AP1M2: variants seen among roughly 807,000 people sequenced by gnomAD.
AP1M2 encodes adaptor related protein complex 1 subunit mu 2.
In AP1M2, 41 loss-of-function variants were observed where a neutral mutation model predicts 54.6. That is an observed-to-expected ratio of 0.75 (90% confidence interval 0.59 to 0.97). The LOEUF is 0.97. Among genes scored for constraint, AP1M2 ranks in the 50% least tolerant of loss-of-function variants. The pLI is 0.00. For synonymous variants in AP1M2, 219 were observed against 215.9 expected, an observed-to-expected ratio of 1.01 and a Z score of -0.13; for missense variants, 507 against 561.2, an observed-to-expected ratio of 0.90 and a Z score of 0.98.
rs756315830 is a variant in AP1M2 at position 10,575,444 on chromosome 19, A to G, written c.1048-415T>C. Among the ~76,000 whole-genome samples, 37 of 152,078 alleles carry G rather than the reference A, an allele frequency of 2.4e-4. 2 individuals carry two copies. Among genetic ancestry groups the G allele is most frequent in the South Asian group, 6.2e-4 (3 of 4,820 alleles). On this transcript the variant is annotated intron_variant, in intron 9 of 11. Transcript: ENST00000250244. ...CTGATGATCCACCTCTCCCAAGATCATGGGGACAAACCAAAACCTCTAGTA... is the reference window on the plus strand; with the variant it reads ...CTGATGATCCACCTCTCCCAAGATCGTGGGGACAAACCAAAACCTCTAGTA...
Position 10,581,643 on chromosome 19 carries a change from A to T in AP1M2, c.399-9T>A. 1 of 1,613,540 alleles carries T rather than the reference A, an allele frequency of 6.2e-7. No homozygotes were observed. The highest frequency in any genetic ancestry group is 8.5e-7 in the Non-Finnish European group (1 of 1,179,806). ...TCTGCTGAGTGATGTACCTGGAGGG[A>T]GGGCGGCAGGGACAAGCAGCTGGAC... On this transcript the variant is annotated splice_polypyrimidine_tract_variant and intron_variant, in intron 4 of 11. Transcript: ENST00000250244.
At chr19:10,579,574 G>C (rs968435169) in intron 7 of AP1M2, 142 bp downstream of exon 7, 1 of 932,552 alleles carries the variant, frequency 1.1e-6, no homozygotes, top group Non-Finnish European at 1.5e-6. Context: ...GGCTGGTCTC[G>C]AACTCCTGTC....
At chr19:10,583,185 A>G (rs1445405550) in intron 3 of AP1M2, among the ~76,000 whole-genome samples, 2 of 151,738 alleles carry the variant, frequency 1.3e-5, no homozygotes, top group Non-Finnish European at 2.9e-5. Context: ...TCACACAGTG[A>G]GGAAGCAGGG....
intron 2 of AP1M2, 116 bp downstream of exon 2, chr19:10,583,798 G>A: frequency 4.7e-6 from 7 of 1,493,578 alleles, no homozygotes; most frequent in Non-Finnish European, 5.5e-6. Flanking sequence ...CCCAGCCTAA[G>A]CCACAGAGAT....
rs931432708 is a variant in AP1M2, at chr19:10,575,070, T to A, written c.1048-41A>T. ...GGCATCAGGTACACGAGGGTCCGCC[T>A]ACCCTCCCGAGACCTTCCTTTCAGC... On this transcript the variant is annotated intron_variant, in intron 9 of 11. Coordinates refer to ENST00000250244, the MANE Select transcript of AP1M2 (RefSeq NM_005498.5). 4 of 1,431,824 alleles carry A rather than the reference T, an allele frequency of 2.8e-6. No individual in the cohort carries two copies. The African/African-American group carries it at 5.9e-5, about 21-fold the overall frequency. The allele number at this position is 1,431,824 out of a possible 1,614,324, so 88.7% of individuals were successfully genotyped here.
chr19:10,573,413 C>T (rs994229681), intron 11 of AP1M2, among the ~76,000 whole-genome samples: 47 of 151,750 alleles, frequency 3.1e-4, no homozygotes, highest in African/African-American at 1.1e-3. Flanking sequence ...AGTGAGATTC[C>T]ATCTCAAAAA....
intron 6 of AP1M2, among the ~76,000 whole-genome samples, chr19:10,580,788 C>A (rs1917416659): frequency 6.6e-6 from 1 of 151,952 alleles, no homozygotes; most frequent in Admixed American, 6.6e-5. Context: ...CATAGCGAGA[C>A]CCCCGTCTCT....
Position 10,581,350 on chromosome 19 carries a change from T to C in AP1M2, c.589A>G (p.Thr197Ala). Reference sequence around the variant, plus strand: ...GACAGAAACACCTTGAGCTTGATGGTACCGACGATTTCGCTCAGAAGGACG... The same window carrying C: ...GACAGAAACACCTTGAGCTTGATGGCACCGACGATTTCGCTCAGAAGGACG... The part of the protein sequence containing the change: ...GSVLLSEIVG[T>A]IKLKVFLSGM... Residue 197 changes from threonine (T) to alanine (A), a missense_variant, in exon 6 of 12, where the codon ACC becomes GCC. Physicochemically the swap from Thr to Ala is moderately conservative, Grantham distance 58. Coordinates refer to ENST00000250244, the MANE Select transcript of AP1M2 (RefSeq NM_005498.5). 1 of 1,613,562 alleles carries C rather than the reference T, an allele frequency of 6.2e-7. No individual in the cohort carries two copies. Among genetic ancestry groups the C allele is most frequent in the East Asian group, 2.2e-5 (1 of 44,868 alleles).
chr19:10,578,239 T>C (rs957745441), intron 8 of AP1M2, among the ~76,000 whole-genome samples: 4 of 152,094 alleles, frequency 2.6e-5, no homozygotes, highest in African/African-American at 9.7e-5. Flanking sequence ...CACCTTAGGA[T>C]TGTGGAGGCC....
At chr19:10,581,213 G>C in intron 6 of AP1M2, 53 bp downstream of exon 6, 1 of 1,556,220 alleles carries the variant, frequency 6.4e-7, no homozygotes, top group Non-Finnish European at 8.7e-7. Context: ...ACGTGGGGCG[G>C]GTTTGCGACT....
At chr19:10,585,154 A>G (rs544838913) in intron 1 of AP1M2, 2 of 151,108 alleles carry the variant, frequency 1.3e-5, no homozygotes, top group Admixed American at 1.3e-4. Context: ...GGTCGAGACT[A>G]CAGTGAGCTG....
At chr19:10,582,608 C>T (rs950277320) in intron 3 of AP1M2, among the ~76,000 whole-genome samples, 2 of 151,494 alleles carry the variant, frequency 1.3e-5, no homozygotes, top group African/African-American at 4.8e-5. Context: ...ATTAGCCAGG[C>T]ATGGTGGCAC....
Position 10,581,304 on chromosome 19 carries a change from A to G in AP1M2, c.635T>C (p.Leu212Pro). ...VFLSGMPELR[L>P]GLNDRVLFEL... ...GAAGAGCACGCGGTCATTGAGGCCC[A>G]GCCGCAGCTCTGGCATTCCTGACAG... The change falls in exon 6 of 12, where the codon CTG becomes CCG. Residue 212 changes from leucine to proline, a missense_variant. By Grantham distance (98) the Leu-to-Pro change is moderately conservative (BLOSUM62 -3). Transcript: ENST00000250244. 1 of 1,613,924 alleles carries G rather than the reference A, an allele frequency of 6.2e-7. No homozygotes were observed. Among genetic ancestry groups the G allele is most frequent in the Non-Finnish European group, 8.5e-7 (1 of 1,179,786 alleles).
In AP1M2 at chr19:10,577,601, T is replaced by C. The variant is rs556900534; in HGVS notation, c.889-245A>G. ...GGCACCCGCCAGCACGCCCAGCTAATTTTTTTTGTATTCTTAGTAGAGACG... is the reference window on the plus strand; with the variant it reads ...GGCACCCGCCAGCACGCCCAGCTAACTTTTTTTGTATTCTTAGTAGAGACG... On this transcript the variant is annotated intron_variant, in intron 8 of 11. Transcript: ENST00000250244. Among the ~76,000 whole-genome samples the C allele has an allele frequency of 8.3e-4, 126 of 150,976 alleles. 1 individual carries two copies. The highest frequency in any genetic ancestry group is 2.9e-3 in the African/African-American group (119 of 41,156).
In AP1M2 at chr19:10,572,979, C is replaced by A; in HGVS notation, c.*87G>T. 7.0e-7 allele frequency: 1 copy of A among 1,426,012 alleles called. No homozygotes were observed. Among genetic ancestry groups the A allele is most frequent in the Non-Finnish European group, 9.7e-7 (1 of 1,033,916 alleles). The allele number at this position is 1,426,012 out of a possible 1,614,324, so 88.3% of individuals were successfully genotyped here. A position where few individuals can be genotyped will look rare whatever the true frequency, so the allele number is the denominator to read the frequency against. On this transcript the variant is annotated 3_prime_UTR_variant, in exon 12 of 12. Coordinates refer to ENST00000250244, the MANE Select transcript of AP1M2 (RefSeq NM_005498.5). Reference sequence around the variant, plus strand: ...TCCAGGACCTGCCCTCACACAGACACACACAGCCCGCACCTGCCCTCCCTC... The same window carrying A: ...TCCAGGACCTGCCCTCACACAGACAAACACAGCCCGCACCTGCCCTCCCTC...
intron 9 of AP1M2, among the ~76,000 whole-genome samples, chr19:10,575,759 C>CT (rs1008650658): frequency 8.1e-6 from 1 of 124,126 alleles, no homozygotes; most frequent in Non-Finnish European, 1.6e-5. Context: ...CTTTTTTTTT[C>CT]TTTTTTTTTC....
At chr19:10,586,526 A>C (rs1917660736) in intron 1 of AP1M2, among the ~76,000 whole-genome samples, 1 of 150,668 alleles carries the variant, frequency 6.6e-6, no homozygotes, top group Admixed American at 6.7e-5. Flanking sequence ...GATATTCAGG[A>C]GTTTGAGAGC....
chr19:10,582,075 G>A (rs1475686222), intron 3 of AP1M2, among the ~76,000 whole-genome samples, 197 bp from the exon 4 acceptor site: 2 of 151,180 alleles, frequency 1.3e-5, no homozygotes, highest in Non-Finnish European at 2.9e-5. Flanking sequence ...AGACAGTCTC[G>A]CACTGTCACC....
At chr19:10,580,046 T>G (rs924102980) in intron 6 of AP1M2, among the ~76,000 whole-genome samples, 188 bp from the exon 7 acceptor site, 9 of 16,726 alleles carry the variant, frequency 5.4e-4, no homozygotes, top group Non-Finnish European at 1.3e-3. Flanking sequence ...CTGGCTTGGT[T>G]TTTTTTTTTT....
Sources: gnomAD v4.1 joint callset for allele counts (sites outside exome capture counted in the v4.1 genomes callset) on GRCh38, gnomAD v4.1.1 for gene constraint, MANE v1.5 for transcripts, NCBI Gene and HGNC (gene_info 2026-07-23, HGNC 2026-07-21) for gene names.